The following PHACTR1 variants were observed in gnomAD, a reference collection of about 807,000 sequenced individuals.
The protein encoded by PHACTR1 is RPEL repeat containing 1.
A neutral mutation model predicts 69.2 loss-of-function variants in PHACTR1; 16 were observed. The ratio of observed to expected loss-of-function variants is 0.23; its 90% CI spans 0.16 to 0.35. PHACTR1 has a LOEUF of 0.35. Ranked by LOEUF, PHACTR1 falls within the 10% of genes least tolerant of loss-of-function variation. The pLI is 1.00. For synonymous variants in PHACTR1, 312 were observed against 284.5 expected (o/e 1.10, Z -0.97); for missense variants, 510 against 734.7 (o/e 0.69, Z 3.54).
At chr6:12,937,296 G>A (rs1046465052) in intron 4 of PHACTR1, among the ~76,000 whole-genome samples, 1 of 151,866 alleles carries the variant, frequency 6.6e-6, no homozygotes, top group South Asian at 2.1e-4. Context: ...TCAAAGGAAG[G>A]CCCTTGAAGA....
intron 4 of PHACTR1, among the ~76,000 whole-genome samples, chr6:12,890,796 T>C (rs1784100745): frequency 6.6e-6 from 1 of 152,148 alleles, no homozygotes; most frequent in Admixed American, 6.5e-5. Context: ...TCCAACTCTG[T>C]TTTACTTGTT....
intron 3 of PHACTR1, among the ~76,000 whole-genome samples, chr6:12,723,924 T>C (rs1198189732): frequency 6.6e-6 from 1 of 152,228 alleles, no homozygotes; most frequent in East Asian, 1.9e-4. Flanking sequence ...CTTTGTTTCA[T>C]AGTAAAAGGT....
chr6:12,973,234 C>A (rs1794450172), intron 4 of PHACTR1, among the ~76,000 whole-genome samples: 1 of 152,104 alleles, frequency 6.6e-6, no homozygotes, highest in Non-Finnish European at 1.5e-5. Flanking sequence ...TGACCTTGAA[C>A]ATAAGCTCAA....
chr6:13,129,839 C>A (rs1820131094), intron 5 of PHACTR1, among the ~76,000 whole-genome samples: 1 of 152,012 alleles, frequency 6.6e-6, no homozygotes, highest in African/African-American at 2.4e-5. Context: ...TTCTACCCAA[C>A]AACTGTAGAA....
chr6:13,160,132 A>G, intron 5 of PHACTR1, 72 bp from the exon 6 acceptor site: 7 of 1,325,448 alleles, frequency 5.3e-6, no homozygotes, highest in Non-Finnish European at 7.6e-6. Context: ...CATATGTGTT[A>G]ACATAGGATC....
At chr6:12,835,361 TCCCTGGCCTAAC>T (rs1386815608) in intron 4 of PHACTR1, among the ~76,000 whole-genome samples, 1 of 152,086 alleles carries the variant, frequency 6.6e-6, no homozygotes, top group Admixed American at 6.6e-5. Flanking sequence ...GTTGGACCGC[TCCCTGGCCTAAC>T]CCTTAATCAA....
chr6:12,969,247 A>C (rs1366119891), intron 4 of PHACTR1, among the ~76,000 whole-genome samples: 1 of 152,226 alleles, frequency 6.6e-6, no homozygotes, highest in East Asian at 1.9e-4. Flanking sequence ...CTCTCTTAAA[A>C]TCAGATATCT....
In PHACTR1 at chr6:13,074,768, T is replaced by A. The variant is rs534486496; in HGVS notation, c.415+21239T>A. Reference sequence around the variant, plus strand: ...TGGGGGCTGGTTATACAAATCATGATCTTTCTACACAGTGGAGTACCAGTA... The same window carrying A: ...TGGGGGCTGGTTATACAAATCATGAACTTTCTACACAGTGGAGTACCAGTA... On this transcript the variant is annotated intron_variant, in intron 5 of 14. Transcript: ENST00000332995. Among the ~76,000 whole-genome samples the A allele has an allele frequency of 9.2e-5, 14 of 152,272 alleles. No individual in the cohort carries two copies. The South Asian group carries it at 2.9e-3, about 32-fold the overall frequency.
chr6:13,142,575 T>A (rs776886949), intron 5 of PHACTR1, among the ~76,000 whole-genome samples: 4 of 152,212 alleles, frequency 2.6e-5, no homozygotes, highest in Non-Finnish European at 5.9e-5. Context: ...CTTGATTTTT[T>A]AATATAATGT....
intron 6 of PHACTR1, among the ~76,000 whole-genome samples, chr6:13,169,082 A>C (rs1052497355): frequency 6.6e-6 from 1 of 152,100 alleles, no homozygotes; most frequent in Admixed American, 6.5e-5. Flanking sequence ...GGTAGTAAGC[A>C]TGGGGAAAAA....
chr6:12,956,167 A>G (rs1037727921), intron 4 of PHACTR1, among the ~76,000 whole-genome samples: 3 of 152,240 alleles, frequency 2.0e-5, no homozygotes, highest in Admixed American at 6.5e-5. Context: ...GTTCTCATCA[A>G]CATAAATAGT....
intron 4 of PHACTR1, among the ~76,000 whole-genome samples, chr6:12,921,236 T>C (rs1482916916): frequency 6.6e-6 from 1 of 152,168 alleles, no homozygotes; most frequent in Non-Finnish European, 1.5e-5. Context: ...ATTTTTTAGA[T>C]CAGGTCCAAA....
chr6:13,117,752 C>G (rs1384535685), intron 5 of PHACTR1, among the ~76,000 whole-genome samples: 1 of 152,180 alleles, frequency 6.6e-6, no homozygotes, highest in Non-Finnish European at 1.5e-5. Context: ...TTTCTCTCTA[C>G]ATTATGTTCA....
intron 4 of PHACTR1, among the ~76,000 whole-genome samples, chr6:12,766,245 C>G (rs1768595695): frequency 6.6e-6 from 1 of 152,206 alleles, no homozygotes; most frequent in South Asian, 2.1e-4. Flanking sequence ...CGGAATTTTT[C>G]TTTCAGTCTG....
intron 4 of PHACTR1, among the ~76,000 whole-genome samples, chr6:12,940,762 G>A (rs776814668): frequency 5.9e-5 from 9 of 152,234 alleles, no homozygotes; most frequent in Non-Finnish European, 1.2e-4. Context: ...TGCCATCTAC[G>A]TTTCTCAGCC....
chr6:12,980,228 G>GTGTGTGTACGTGTGCA (rs748200587), intron 4 of PHACTR1, among the ~76,000 whole-genome samples: 2 of 152,198 alleles, frequency 1.3e-5, no homozygotes, highest in Non-Finnish European at 2.9e-5. Flanking sequence ...GTGTATGTAT[G>GTGTGTGTACGTGTGCA]TGTGTGTACG....
Position 13,179,114 on chromosome 6 carries a change from T to C in PHACTR1, c.497-3405T>C, listed in dbSNP as rs561429882. Among the ~76,000 whole-genome samples the C allele has an allele frequency of 6.6e-6, 1 of 152,248 alleles. No homozygotes were observed. The highest frequency in any genetic ancestry group is 2.1e-4 in the South Asian group (1 of 4,816). Reference sequence around the variant, plus strand: ...AGTGGGGCATGGTGGTGTGGGCCTGTGGTCCCAGCTACTCTGGGGGCTGAG... The same window carrying C: ...AGTGGGGCATGGTGGTGTGGGCCTGCGGTCCCAGCTACTCTGGGGGCTGAG... On this transcript the variant is annotated intron_variant, in intron 6 of 14. Transcript: ENST00000332995. The surrounding 1 kb of genome is among the most constrained non-coding windows in gnomAD (Gnocchi z 4.2).
chr6:12,792,510 A>G (rs1772450230), intron 4 of PHACTR1, among the ~76,000 whole-genome samples: 1 of 141,766 alleles, frequency 7.1e-6, no homozygotes, highest in African/African-American at 2.6e-5. Flanking sequence ...TTCTGACATC[A>G]TCCTGAAAAA....
chr6:12,843,470 T>C (rs1778899655), intron 4 of PHACTR1, among the ~76,000 whole-genome samples: 1 of 152,176 alleles, frequency 6.6e-6, no homozygotes, highest in South Asian at 2.1e-4. Context: ...CACGTGTGTG[T>C]GTATAGACAG....
Sources: gnomAD v4.1 joint callset for allele counts (sites outside exome capture counted in the v4.1 genomes callset) on GRCh38, gnomAD v4.1.1 for gene constraint, Gnocchi (gnomAD v3.1) non-coding constraint, MANE v1.5 for transcripts, NCBI Gene and HGNC (gene_info 2026-07-23, HGNC 2026-07-21) for gene names.